Variants in SLC14A2 observed in about 807,000 individuals in gnomAD.
SLC14A2 encodes urea transporter 2.
SLC14A2 carries 91 observed loss-of-function variants against 104.6 expected under a neutral mutation model. The ratio of observed to expected loss-of-function variants is 0.87; its 90% CI spans 0.73 to 1.04. SLC14A2 has a LOEUF of 1.04. Ranked by LOEUF, SLC14A2 falls within the 50% of genes least tolerant of loss-of-function variation. SLC14A2 has a pLI of 0.00. For synonymous variants in SLC14A2, 476 were observed against 466.4 expected (o/e 1.02, Z -0.27); for missense variants, 1,189 against 1,156.0 (o/e 1.03, Z -0.41).
At chr18:45,574,588 C>T (rs1198925290) in intron 2 of SLC14A2, among the ~76,000 whole-genome samples, 1 of 152,210 alleles carries the variant, frequency 6.6e-6, no homozygotes, top group African/African-American at 2.4e-5. Context: ...AGACCCTCTC[C>T]TAACATTTGC....
chr18:45,520,265 GA>G (rs1434671720), intron 2 of SLC14A2, among the ~76,000 whole-genome samples: 2 of 152,310 alleles, frequency 1.3e-5, no homozygotes, highest in East Asian at 3.9e-4. Context: ...AATAGATATT[GA>G]GTCCCTAACA....
chr18:45,649,083 A>T (rs1303240528), intron 10 of SLC14A2, among the ~76,000 whole-genome samples: 1 of 152,332 alleles, frequency 6.6e-6, no homozygotes, highest in African/African-American at 2.4e-5. Flanking sequence ...AGGCAGGAGA[A>T]TGGTGTGAAC....
chr18:45,244,360 C>A (rs1021467209), intron 1 of SLC14A2, among the ~76,000 whole-genome samples: 1 of 152,122 alleles, frequency 6.6e-6, no homozygotes, highest in African/African-American at 2.4e-5. Flanking sequence ...GGCGCAGTGG[C>A]TCATGCCTGT....
intron 19 of SLC14A2, among the ~76,000 whole-genome samples, chr18:45,681,507 A>G (rs765812695): frequency 6.6e-6 from 1 of 152,242 alleles, no homozygotes; most frequent in Non-Finnish European, 1.5e-5. Flanking sequence ...AGAGTACTAA[A>G]AAGCCTTAGA....
chr18:45,448,237 T>C (rs2086802635), intron 1 of SLC14A2, among the ~76,000 whole-genome samples: 1 of 152,232 alleles, frequency 6.6e-6, no homozygotes. Flanking sequence ...CTTCCCAAAA[T>C]CTACCATGTT....
intron 1 of SLC14A2, among the ~76,000 whole-genome samples, chr18:45,315,970 TTTAG>T (rs1265898091): frequency 6.6e-6 from 1 of 152,172 alleles, no homozygotes; most frequent in Non-Finnish European, 1.5e-5. Context: ...GCCATCTGCA[TTTAG>T]GAGAGAATTT....
intron 2 of SLC14A2, among the ~76,000 whole-genome samples, chr18:45,588,981 G>C (rs1023917141): frequency 6.6e-6 from 1 of 151,518 alleles, no homozygotes; most frequent in Non-Finnish European, 1.5e-5. Context: ...GGGTGGGGGG[G>C]GGTGTTAAAT....
the SLC14A2 span, among the ~76,000 whole-genome samples, chr18:45,170,046 A>G: frequency 6.6e-6 from 1 of 152,218 alleles, no homozygotes; most frequent in African/African-American, 2.4e-5. Flanking sequence ...AAAATCTTTC[A>G]GAAAGAGATG....
intron 1 of SLC14A2, among the ~76,000 whole-genome samples, chr18:45,402,974 G>A (rs573167277): frequency 6.6e-6 from 1 of 152,304 alleles, no homozygotes; most frequent in Non-Finnish European, 1.5e-5. Context: ...AGGCACTTCA[G>A]TATCACCTAA....
At chr18:45,582,889 C>A (rs1403245293) in intron 2 of SLC14A2, among the ~76,000 whole-genome samples, 3 of 152,170 alleles carry the variant, frequency 2.0e-5, no homozygotes, top group Non-Finnish European at 1.5e-5. Context: ...GCCCAACCAC[C>A]ACTCATGGAG....
At chr18:45,589,170 C>G (rs1200849751) in intron 2 of SLC14A2, among the ~76,000 whole-genome samples, 1 of 152,058 alleles carries the variant, frequency 6.6e-6, no homozygotes, top group Non-Finnish European at 1.5e-5. Context: ...TGGAGTTCTT[C>G]CCATGTGCTT....
chr18:45,330,448 TG>T (rs539746938), intron 1 of SLC14A2, among the ~76,000 whole-genome samples: 15 of 152,212 alleles, frequency 9.9e-5, no homozygotes, highest in Non-Finnish European at 1.9e-4. Context: ...AAAACATTTT[TG>T]TGTGTAAGTG....
chr18:45,670,949 C>T (rs1009154133), intron 16 of SLC14A2, among the ~76,000 whole-genome samples: 5 of 152,178 alleles, frequency 3.3e-5, no homozygotes, highest in Non-Finnish European at 5.9e-5. Flanking sequence ...AGGCGTGGAC[C>T]ATTACACCTG....
chr18:45,262,750 GACA>G (rs2084552772), intron 1 of SLC14A2, among the ~76,000 whole-genome samples: 1 of 152,000 alleles, frequency 6.6e-6, no homozygotes, highest in African/African-American at 2.4e-5. Flanking sequence ...TCCTTCATTC[GACA>G]ACATTAATTG....
intron 2 of SLC14A2, among the ~76,000 whole-genome samples, chr18:45,526,811 T>C (rs1308060490): frequency 6.6e-6 from 1 of 152,134 alleles, no homozygotes. Context: ...TCTTTTCTAA[T>C]AGTCTGGATC....
At chr18:45,487,973 C>T (rs1460894944) in intron 2 of SLC14A2, among the ~76,000 whole-genome samples, 1 of 152,092 alleles carries the variant, frequency 6.6e-6, no homozygotes, top group East Asian at 1.9e-4. Flanking sequence ...AGCAAATAAT[C>T]ACAGCTACTT....
intron 2 of SLC14A2, among the ~76,000 whole-genome samples, chr18:45,595,784 C>T (rs2044712001): frequency 6.6e-6 from 1 of 152,178 alleles, no homozygotes; most frequent in Non-Finnish European, 1.5e-5. Context: ...TGACCTCTTC[C>T]CTGCTCCCCG....
At chr18:45,605,173 G>C (rs1050717979) in intron 2 of SLC14A2, among the ~76,000 whole-genome samples, 3 of 152,298 alleles carry the variant, frequency 2.0e-5, no homozygotes, top group Middle Eastern at 3.4e-3. Context: ...ACGCACGGTA[G>C]ACAAGGACCA....
intron 1 of SLC14A2, among the ~76,000 whole-genome samples, chr18:45,235,645 T>A (rs2084217720): frequency 6.6e-6 from 1 of 151,652 alleles, no homozygotes; most frequent in Non-Finnish European, 1.5e-5. Context: ...ATTTGTTTGG[T>A]CCCCATTGTA....
Sources: gnomAD v4.1 joint callset for allele counts (sites outside exome capture counted in the v4.1 genomes callset) on GRCh38, gnomAD v4.1.1 for gene constraint, MANE v1.5 for transcripts, NCBI Gene and HGNC (gene_info 2026-07-23, HGNC 2026-07-21) for gene names.